GRIP1: variants seen among roughly 807,000 people sequenced by gnomAD.
GRIP1 encodes the protein glutamate receptor-interacting protein 1.
A neutral mutation model predicts 129.9 loss-of-function variants in GRIP1; 45 were observed. That is an observed-to-expected ratio of 0.35 (90% CI 0.27 to 0.44). The LOEUF (loss-of-function observed/expected upper bound fraction) is 0.44, where lower values mean the gene tolerates loss of function less well. Ranked by LOEUF, GRIP1 falls within the 20% of genes least tolerant of loss-of-function variation. The pLI is 1.00. For synonymous variants in GRIP1, 530 were observed against 520.8 expected (o/e 1.02, Z -0.24); for missense variants, 1,196 against 1,396.8 (o/e 0.86, Z 2.29).
At chr12:66,879,039 C>A (rs2137182382) in intron 1 of GRIP1, among the ~76,000 whole-genome samples, 1 of 151,890 alleles carries the variant, frequency 6.6e-6, no homozygotes, top group African/African-American at 2.4e-5. Context: ...TAATGCATTG[C>A]ATACTACATA....
chr12:66,570,081 TG>T (rs1468348099), intron 2 of GRIP1, among the ~76,000 whole-genome samples: 13 of 149,424 alleles, frequency 8.7e-5, no homozygotes, highest in South Asian at 6.5e-4. Context: ...ATGTGTATGT[TG>T]GGGGGTAGTT....
At chr12:66,575,850 A>C (rs1204444769) in intron 2 of GRIP1, among the ~76,000 whole-genome samples, 1 of 152,248 alleles carries the variant, frequency 6.6e-6, no homozygotes, top group African/African-American at 2.4e-5. Flanking sequence ...ATCTTAAAGT[A>C]GAAAGGATTG....
intron 2 of GRIP1, among the ~76,000 whole-genome samples, chr12:66,546,652 A>C (rs1009033115): frequency 1.3e-5 from 2 of 152,188 alleles, no homozygotes; most frequent in Non-Finnish European, 2.9e-5. Context: ...TATTCAACAA[A>C]TGATGCTGGA....
chr12:66,456,688 A>G (rs1226095224), intron 9 of GRIP1, among the ~76,000 whole-genome samples: 1 of 152,158 alleles, frequency 6.6e-6, no homozygotes, highest in Non-Finnish European at 1.5e-5. Flanking sequence ...CAGCCCCTCA[A>G]AGATCTATGG....
chr12:66,679,252 T>A, upstream of GRIP1: 1 of 663,780 alleles, frequency 1.5e-6, no homozygotes, highest in Non-Finnish European at 2.2e-6. Flanking sequence ...CGCTAAGCAC[T>A]GAACAGTGCA....
Position 66,507,768 on chromosome 12 carries a change from T to A in GRIP1, c.724+7851A>T, listed in dbSNP as rs1565810118. Among the ~76,000 whole-genome samples the A allele has an allele frequency of 3.3e-5, 5 of 152,100 alleles. No individual in the cohort carries two copies. The South Asian group carries it at 1.0e-3, about 32-fold the overall frequency. ...CATAGGGCATTCCTTTCTTTCTTTC[T>A]TTCTTTCTTTCTTTTTTTTTACAGA... On this transcript the variant is annotated intron_variant, in intron 7 of 24. Transcript: ENST00000359742.
intron 1 of GRIP1, among the ~76,000 whole-genome samples, chr12:66,686,799 G>A (rs912842346): frequency 6.6e-6 from 1 of 152,222 alleles, no homozygotes; most frequent in Non-Finnish European, 1.5e-5. Context: ...GCTCACACCT[G>A]TAATCTCAGC....
chr12:66,390,474 G>T (rs2056540069), intron 19 of GRIP1, among the ~76,000 whole-genome samples: 1 of 152,062 alleles, frequency 6.6e-6, no homozygotes, highest in African/African-American at 2.4e-5. Flanking sequence ...GTAATATTAT[G>T]ACTATGATTC....
At chr12:66,709,509 T>C (rs959210699) in intron 1 of GRIP1, among the ~76,000 whole-genome samples, 1 of 151,940 alleles carries the variant, frequency 6.6e-6, no homozygotes, top group African/African-American at 2.4e-5. Flanking sequence ...TCCTACTTAG[T>C]GTGAATATTT....
In GRIP1 at chr12:66,726,206, T is replaced by C. The variant is rs571219277; in HGVS notation, c.-420+77847A>G. 3.9e-5 allele frequency among the ~76,000 whole-genome samples: 6 copies of C among 152,200 alleles called. No individual in the cohort carries two copies. The South Asian group carries it at 1.0e-3, about 26-fold the overall frequency. On this transcript the variant is annotated intron_variant, in intron 1 of 4. Transcript: ENST00000538373. The stretch of plus-strand genomic sequence containing the variant: ...AATGTAATAGCTGTTTTATGATCCA[T>C]GAGTTAATTTTCTCACACCACACTG...
At chr12:66,606,935 A>C (rs2064558512) in intron 1 of GRIP1, among the ~76,000 whole-genome samples, 1 of 152,126 alleles carries the variant, frequency 6.6e-6, no homozygotes, top group African/African-American at 2.4e-5. Flanking sequence ...TAACATACGT[A>C]TCTCTCTTAG....
intron 1 of GRIP1, among the ~76,000 whole-genome samples, chr12:66,702,221 C>T (rs1056056912): frequency 2.0e-5 from 3 of 152,118 alleles, no homozygotes; most frequent in African/African-American, 7.2e-5. Context: ...CATTAAAAGG[C>T]AAGCACCAGA....
chr12:66,784,453 T>TGA (rs1190797716), intron 1 of GRIP1, among the ~76,000 whole-genome samples: 1 of 152,172 alleles, frequency 6.6e-6, no homozygotes, highest in Non-Finnish European at 1.5e-5. Context: ...ATGTGGACAC[T>TGA]GAGAATCAGG....
At chr12:66,614,612 C>G (rs1219200419) in intron 1 of GRIP1, among the ~76,000 whole-genome samples, 1 of 152,120 alleles carries the variant, frequency 6.6e-6, no homozygotes, top group Non-Finnish European at 1.5e-5. Context: ...GCATGCATGA[C>G]TGCTGAAGTT....
At chr12:66,430,114 G>A (rs900296462) in intron 14 of GRIP1, among the ~76,000 whole-genome samples, 1 of 152,192 alleles carries the variant, frequency 6.6e-6, no homozygotes, top group Admixed American at 6.5e-5. Flanking sequence ...TCAGCAAATG[G>A]AGGCATTATA....
intron 3 of GRIP1, among the ~76,000 whole-genome samples, chr12:66,539,520 C>T (rs981937787): frequency 7.2e-6 from 1 of 138,746 alleles, no homozygotes; most frequent in Non-Finnish European, 1.5e-5. Flanking sequence ...TTTTTAAAAG[C>T]ACCATAAAAC....
At chr12:66,552,668 T>C (rs2062181164) in intron 2 of GRIP1, among the ~76,000 whole-genome samples, 1 of 152,124 alleles carries the variant, frequency 6.6e-6, no homozygotes, top group Non-Finnish European at 1.5e-5. Flanking sequence ...TGAAATACTT[T>C]TGAGAAAAGG....
intron 2 of GRIP1, among the ~76,000 whole-genome samples, chr12:66,576,890 G>A (rs2139561050): frequency 6.6e-6 from 1 of 152,306 alleles, no homozygotes; most frequent in South Asian, 2.1e-4. Flanking sequence ...GTATGTGTTA[G>A]TTGATGGCAA....
intron 23 of GRIP1, among the ~76,000 whole-genome samples, chr12:66,361,226 TG>T (rs1231713900): frequency 6.6e-6 from 1 of 152,148 alleles, no homozygotes; most frequent in Non-Finnish European, 1.5e-5. Flanking sequence ...CCTTCCTGTC[TG>T]GGGAGTCTTC....
Sources: gnomAD v4.1 joint callset for allele counts (sites outside exome capture counted in the v4.1 genomes callset) on GRCh38, gnomAD v4.1.1 for gene constraint, MANE v1.5 for transcripts, NCBI Gene and HGNC (gene_info 2026-07-23, HGNC 2026-07-21) for gene names.